Variants in SPOCK3 observed in about 807,000 individuals in gnomAD.
The protein encoded by SPOCK3 is testican-3.
SPOCK3 carries 30 observed loss-of-function variants against 56.6 expected under a neutral mutation model. The observed-to-expected ratio is 0.53, with a 90% CI of 0.40 to 0.72. SPOCK3 has a LOEUF of 0.72. SPOCK3 is among the 30% of genes least tolerant of loss of function. The pLI is 0.00. For missense variants in SPOCK3, 527 were observed against 530.0 expected (o/e 0.99, Z 0.06); for synonymous variants, 196 against 183.3 (o/e 1.07, Z -0.56).
At chr4:167,207,748 A>G (rs1001022239) in intron 2 of SPOCK3, among the ~76,000 whole-genome samples, 1 of 152,182 alleles carries the variant, frequency 6.6e-6, no homozygotes. Flanking sequence ...TCTGAACTAC[A>G]TAAGGAGATA....
chr4:167,111,938 T>C (rs1305042838), intron 2 of SPOCK3, among the ~76,000 whole-genome samples: 2 of 151,924 alleles, frequency 1.3e-5, no homozygotes, highest in African/African-American at 4.8e-5. Flanking sequence ...TTTTCTATTT[T>C]TTGTAGAGAT....
chr4:167,181,246 T>C (rs1731428554), intron 2 of SPOCK3, among the ~76,000 whole-genome samples: 1 of 152,176 alleles, frequency 6.6e-6, no homozygotes, highest in Non-Finnish European at 1.5e-5. Context: ...AACTCTATTC[T>C]TAAAATGCAC....
At chr4:166,907,290 T>C (rs759703063) in intron 5 of SPOCK3, among the ~76,000 whole-genome samples, 3 of 152,016 alleles carry the variant, frequency 2.0e-5, no homozygotes, top group Non-Finnish European at 4.4e-5. Flanking sequence ...ACTTAGTATC[T>C]AGAAATGCAT....
chr4:166,951,931 C>T (rs369493759), intron 4 of SPOCK3, among the ~76,000 whole-genome samples: 3 of 152,064 alleles, frequency 2.0e-5, no homozygotes, highest in Admixed American at 6.6e-5. Context: ...TGGGACATAT[C>T]TCAAAATAAT....
intron 6 of SPOCK3, among the ~76,000 whole-genome samples, chr4:166,867,977 AT>A (rs1732025577): frequency 6.6e-6 from 1 of 151,960 alleles, no homozygotes; most frequent in South Asian, 2.1e-4. Flanking sequence ...GATTTGTTGG[AT>A]TAAGAAATAA....
intron 2 of SPOCK3, among the ~76,000 whole-genome samples, chr4:167,089,611 GAT>G (rs768885891): frequency 7.2e-5 from 11 of 152,150 alleles, no homozygotes; most frequent in Non-Finnish European, 1.6e-4. Context: ...TTAAAAAAAT[GAT>G]ATATGTTTTA....
intron 7 of SPOCK3, 62 bp downstream of exon 7, chr4:166,792,108 G>A: frequency 1.3e-6 from 2 of 1,588,576 alleles, no homozygotes; most frequent in Non-Finnish European, 1.7e-6. Flanking sequence ...GTTCTAAGTG[G>A]TTCATTGGAA....
chr4:167,223,075 TTTA>T (rs2111120180), intron 2 of SPOCK3, among the ~76,000 whole-genome samples: 1 of 112,266 alleles, frequency 8.9e-6, no homozygotes, highest in South Asian at 2.5e-4. Flanking sequence ...GAATATATAT[TTTA>T]TATATGAATA....
intron 2 of SPOCK3, among the ~76,000 whole-genome samples, chr4:167,216,569 G>A (rs571833486): frequency 9.2e-5 from 14 of 152,124 alleles, no homozygotes; most frequent in Admixed American, 7.2e-4. Flanking sequence ...ATTTGATTGG[G>A]AACGCTGAGG....
chr4:167,219,999 A>AT (rs1236907715), intron 2 of SPOCK3, among the ~76,000 whole-genome samples: 1 of 152,082 alleles, frequency 6.6e-6, no homozygotes, highest in African/African-American at 2.4e-5. Flanking sequence ...ATAGGATTTC[A>AT]TTTTTTTAAG....
At chr4:166,801,482 T>A (rs542113788) in intron 6 of SPOCK3, among the ~76,000 whole-genome samples, 78 of 152,284 alleles carry the variant, frequency 5.1e-4, no homozygotes, top group African/African-American at 1.8e-3. Flanking sequence ...AAGAATATAG[T>A]TCCTAGTTTA....
chr4:166,946,851 G>A (rs1054575553), intron 4 of SPOCK3, among the ~76,000 whole-genome samples: 1 of 152,210 alleles, frequency 6.6e-6, no homozygotes, highest in African/African-American at 2.4e-5. Flanking sequence ...CTGGCACATC[G>A]TAGATGAACA....
intron 2 of SPOCK3, among the ~76,000 whole-genome samples, chr4:167,110,308 T>C (rs1209534101): frequency 6.6e-6 from 1 of 152,062 alleles, no homozygotes; most frequent in Non-Finnish European, 1.5e-5. Flanking sequence ...GGCCTCTTTT[T>C]CTCTATTTCT....
Position 167,157,630 on chromosome 4 carries a change from C to A in SPOCK3, c.189+76355G>T, listed in dbSNP as rs948703944. On this transcript the variant is annotated intron_variant, in intron 2 of 10. Transcript: ENST00000357545. ...GAAAGGTTTTTTTTAAAAAAAAAAA[C>A]ACAATAAATCATTGTTTAAAACTTT... Among the ~76,000 whole-genome samples, 5 of 142,982 alleles carry A rather than the reference C, an allele frequency of 3.5e-5. 1 individual carries two copies. The East Asian group carries it at 6.2e-4, about 18-fold the overall frequency. The allele number at this position is 142,982 out of a possible 152,430, so 93.8% of individuals were successfully genotyped here. A position where few individuals can be genotyped will look rare whatever the true frequency, so the allele number is the denominator to read the frequency against.
rs137932167 is a variant in SPOCK3, at chr4:166,897,097, T to G, written c.475-7853A>C. Among the ~76,000 whole-genome samples, 1,161 of 152,290 alleles carry G rather than the reference T, an allele frequency of 7.6e-3. 13 individuals carry two copies. The highest frequency in any genetic ancestry group is 0.026 in the African/African-American group (1,079 of 41,556). ...TGCTTTATATATCTCGAGACTATTT[T>G]ATTATATACTTCCATGATTGGAACT... On this transcript the variant is annotated intron_variant, in intron 5 of 10. Coordinates refer to ENST00000357545, the MANE Select transcript of SPOCK3 (RefSeq NM_001040159.2).
intron 3 of SPOCK3, among the ~76,000 whole-genome samples, chr4:167,055,259 C>A (rs1253023393): frequency 1.3e-5 from 2 of 152,042 alleles, no homozygotes; most frequent in African/African-American, 2.4e-5. Flanking sequence ...CACAAAAAGT[C>A]TTTTAAATGA....
intron 2 of SPOCK3, among the ~76,000 whole-genome samples, chr4:167,233,059 G>C (rs1737345224): frequency 6.6e-6 from 1 of 152,176 alleles, no homozygotes; most frequent in Non-Finnish European, 1.5e-5. Flanking sequence ...GGCCTTCCGC[G>C]TTTTAAAGGG....
intron 9 of SPOCK3, among the ~76,000 whole-genome samples, chr4:166,738,867 CATT>C (rs1032076496): frequency 3.3e-5 from 5 of 152,070 alleles, no homozygotes; most frequent in African/African-American, 1.2e-4. Context: ...TCCAGTCTAT[CATT>C]GTTGGACATT....
intron 2 of SPOCK3, among the ~76,000 whole-genome samples, chr4:167,183,362 T>A (rs1340518714): frequency 1.3e-5 from 2 of 152,102 alleles, no homozygotes; most frequent in Non-Finnish European, 2.9e-5. Context: ...TTAAAAGATT[T>A]TTTTCATAAG....
Sources: gnomAD v4.1 joint callset for allele counts (sites outside exome capture counted in the v4.1 genomes callset) on GRCh38, gnomAD v4.1.1 for gene constraint, MANE v1.5 for transcripts, NCBI Gene and HGNC (gene_info 2026-07-23, HGNC 2026-07-21) for gene names.